Variants in IPO5 observed in about 807,000 individuals in gnomAD.
The protein encoded by IPO5 is importin 5.
A neutral mutation model predicts 143.3 loss-of-function variants in IPO5; 18 were observed. The observed-to-expected ratio is 0.13, with a 90% CI of 0.09 to 0.19. IPO5 has a LOEUF of 0.19. Ranked by LOEUF, IPO5 falls within the 10% of genes least tolerant of loss-of-function variation. IPO5 has a pLI of 1.00. For synonymous variants in IPO5, 477 were observed against 465.7 expected (o/e 1.02, Z -0.31); for missense variants, 1,013 against 1,336.9 (o/e 0.76, Z 3.78).
At position 98,022,774 on chromosome 13, in the gene IPO5, T is replaced by G. The variant is rs1265945594; in HGVS notation, c.*952T>G. 6.6e-6 allele frequency: 1 copy of G among 152,360 alleles called. No homozygotes were observed. The highest frequency in any genetic ancestry group is 1.5e-5 in the Non-Finnish European group (1 of 68,034). 9.4% of individuals were successfully genotyped at this position (152,360 alleles called of 1,614,324 possible). A position where few individuals can be genotyped will look rare whatever the true frequency, so the allele number is the denominator to read the frequency against. On this transcript the variant is annotated 3_prime_UTR_variant, in exon 29 of 29. Transcript: ENST00000651721. ...TCTGATCAGCTCAAAAAGATTTGGCTTAGTGTTTTCATTGCAAATTATAAT... is the reference window on the plus strand; with the variant it reads ...TCTGATCAGCTCAAAAAGATTTGGCGTAGTGTTTTCATTGCAAATTATAAT...
At chr13:98,006,707 A>G (rs571845142) in intron 17 of IPO5, among the ~76,000 whole-genome samples, 1 of 152,086 alleles carries the variant, frequency 6.6e-6, no homozygotes, top group East Asian at 1.9e-4. Context: ...TACTGTACCT[A>G]ACTTGGCTGT....
chr13:97,972,371 G>A (rs1200923705), intron 3 of IPO5, among the ~76,000 whole-genome samples: 1 of 152,154 alleles, frequency 6.6e-6, no homozygotes, highest in African/African-American at 2.4e-5. Context: ...AAAACTAAGA[G>A]CAGTAGTGGG....
chr13:98,015,243 T>C (rs1299543745), intron 22 of IPO5, among the ~76,000 whole-genome samples: 1 of 3,146 alleles, frequency 3.2e-4, no homozygotes, highest in Non-Finnish European at 7.1e-4. Flanking sequence ...AGGAGCTGGT[T>C]GTGTGTGTGT....
intron 2 of IPO5, among the ~76,000 whole-genome samples, chr13:97,966,524 C>T (rs914078753): frequency 1.3e-5 from 2 of 151,992 alleles, no homozygotes; most frequent in South Asian, 4.1e-4. Context: ...ATTCAGTTTG[C>T]TAGTATTTTG....
intron 11 of IPO5, 143 bp from the exon 12 acceptor site, chr13:97,997,388 C>G (rs1012445725): frequency 9.2e-6 from 4 of 433,232 alleles, no homozygotes; most frequent in Non-Finnish European, 1.7e-5. Flanking sequence ...ATTTAACAAA[C>G]CAGGTTTTGG....
Position 98,002,522 on chromosome 13 carries a change from G to T in IPO5, c.1164G>T (p.Gly388=). The T allele has an allele frequency of 1.2e-6, 2 of 1,613,968 alleles. No individual in the cohort carries two copies. Among genetic ancestry groups the T allele is most frequent in the Non-Finnish European group, 1.7e-6 (2 of 1,179,882 alleles). ...GLMALSAIGE[G]CHQQMEGILN... Reference sequence around the variant, plus strand: ...TGGCCTTATCTGCCATTGGTGAAGGGTGCCACCAGCAAATGGAAGGAATTC... The same window carrying T: ...TGGCCTTATCTGCCATTGGTGAAGGTTGCCACCAGCAAATGGAAGGAATTC... The change falls in exon 14 of 29, where the codon GGG becomes GGT. Residue 388 remains glycine (G), a synonymous_variant. Transcript: ENST00000651721.
In IPO5 at chr13:97,969,742, AG is replaced by A. The variant is rs1885668021; in HGVS notation, c.-90del. The A allele has an allele frequency of 1.9e-6, 3 of 1,562,336 alleles. No homozygotes were observed. Among genetic ancestry groups the A allele is most frequent in the Non-Finnish European group, 2.6e-6 (3 of 1,133,684 alleles). On this transcript the variant is annotated 5_prime_UTR_variant, in exon 3 of 29. Transcript: ENST00000651721. The stretch of plus-strand genomic sequence containing the variant: ...AATCAGCAGAGGAAAGAAATTCCTA[AG>A]GGAACACTGCTCAGAAAGTACTGCA...
At chr13:97,993,478 C>G (rs1887967250) in intron 11 of IPO5, among the ~76,000 whole-genome samples, 1 of 152,130 alleles carries the variant, frequency 6.6e-6, no homozygotes, top group African/African-American at 2.4e-5. Context: ...GTGACAGACT[C>G]TATCATTTAT....
intron 3 of IPO5, among the ~76,000 whole-genome samples, chr13:97,972,149 G>A (rs966520870): frequency 7.2e-5 from 11 of 152,090 alleles, no homozygotes; most frequent in African/African-American, 2.4e-4. Flanking sequence ...CCAAGATAAG[G>A]AGTCATAGAG....
chr13:97,979,625 A>T (rs1447426566), intron 4 of IPO5, among the ~76,000 whole-genome samples: 2 of 152,228 alleles, frequency 1.3e-5, no homozygotes, highest in Non-Finnish European at 2.9e-5. Flanking sequence ...TATTAATCAT[A>T]TGCATGGATT....
At chr13:97,973,002 T>C (rs936385115) in intron 3 of IPO5, among the ~76,000 whole-genome samples, 2 of 151,622 alleles carry the variant, frequency 1.3e-5, no homozygotes, top group African/African-American at 4.8e-5. Flanking sequence ...CTGCAGGCTG[T>C]TTTTATGGAA....
intron 11 of IPO5, among the ~76,000 whole-genome samples, chr13:97,995,477 C>T (rs753824997): frequency 5.3e-5 from 8 of 152,036 alleles, no homozygotes; most frequent in East Asian, 3.9e-4. Context: ...AAAAACAGGC[C>T]GGGCGCGGTG....
chr13:98,009,746 T>C (rs1889549122), intron 18 of IPO5, 135 bp from the exon 19 acceptor site: 1 of 690,662 alleles, frequency 1.4e-6, no homozygotes, highest in Admixed American at 2.9e-5. Flanking sequence ...ACATAACCTT[T>C]AGAAATGCTC....
intron 2 of IPO5, among the ~76,000 whole-genome samples, chr13:97,954,524 G>A (rs997767874): frequency 2.6e-5 from 4 of 152,080 alleles, no homozygotes; most frequent in East Asian, 1.9e-4. Context: ...CTCAGAGGCC[G>A]AGTATATTTT....
chr13:97,966,309 T>C (rs911290766), intron 2 of IPO5, among the ~76,000 whole-genome samples: 2 of 152,152 alleles, frequency 1.3e-5, no homozygotes, highest in Admixed American at 1.3e-4. Context: ...AATTCCTCTT[T>C]ATTCCTAGTT....
chr13:97,985,364 G>A, intron 5 of IPO5, 57 bp from the exon 6 acceptor site: 1 of 1,370,256 alleles, frequency 7.3e-7, no homozygotes, highest in South Asian at 1.2e-5. Flanking sequence ...AAATACAACA[G>A]TGAAATACAT....
At chr13:98,002,323 T>C (rs1888871651) in intron 13 of IPO5, 144 bp from the exon 14 acceptor site, 7 of 670,874 alleles carry the variant, frequency 1.0e-5, no homozygotes, top group Non-Finnish European at 1.4e-5. Context: ...CCTATACAAA[T>C]GTTTTTATAT....
At chr13:98,000,407 A>G (rs561723250) in intron 12 of IPO5, 132 bp from the exon 13 acceptor site, 2 of 584,340 alleles carry the variant, frequency 3.4e-6, no homozygotes, top group Admixed American at 3.0e-5. Context: ...TTTCAATTCC[A>G]CATTTAAAGA....
chr13:98,011,580 C>T (rs1046956886), intron 20 of IPO5, among the ~76,000 whole-genome samples: 4 of 151,620 alleles, frequency 2.6e-5, no homozygotes, highest in African/African-American at 9.7e-5. Context: ...CATCCCGGCT[C>T]ACTGCCACCT....
Sources: gnomAD v4.1 joint callset for allele counts (sites outside exome capture counted in the v4.1 genomes callset) on GRCh38, gnomAD v4.1.1 for gene constraint, MANE v1.5 for transcripts, NCBI Gene and HGNC (gene_info 2026-07-23, HGNC 2026-07-21) for gene names.